Variants in ADAMTS19 observed in about 807,000 individuals in gnomAD.
ADAMTS19 encodes ADAM metallopeptidase with thrombospondin type 1 motif 19.
In ADAMTS19, 93 loss-of-function variants were observed where a neutral mutation model predicts 153.3. The observed-to-expected ratio is 0.61, with a 90% confidence interval of 0.51 to 0.72. The LOEUF (loss-of-function observed/expected upper bound fraction) is 0.72. ADAMTS19 is among the 30% of genes least tolerant of loss of function. The pLI is 0.00. For synonymous variants in ADAMTS19, 600 were observed against 556.6 expected (o/e 1.08, Z -1.10); for missense variants, 1,482 against 1,552.1 (o/e 0.95, Z 0.76).
At chr5:129,678,916 T>C (rs1241664106) in intron 16 of ADAMTS19, among the ~76,000 whole-genome samples, 1 of 152,198 alleles carries the variant, frequency 6.6e-6, no homozygotes, top group Non-Finnish European at 1.5e-5. Flanking sequence ...TAGCCTTCAA[T>C]GAATCCTCAT....
intron 6 of ADAMTS19, among the ~76,000 whole-genome samples, chr5:129,546,362 T>G (rs1426821085): frequency 6.7e-6 from 1 of 150,344 alleles, no homozygotes; most frequent in African/African-American, 2.5e-5. Flanking sequence ...AATGTGCACA[T>G]GTACCCTAAA....
chr5:129,730,967 TG>T, intron 21 of ADAMTS19, among the ~76,000 whole-genome samples: 1 of 146,212 alleles, frequency 6.8e-6, no homozygotes, highest in Non-Finnish European at 1.5e-5. Context: ...TGTTTTGTTT[TG>T]TTTTGTTTGA....
chr5:129,611,542 G>C lies in ADAMTS19; in HGVS notation c.1479-9076G>C, dbSNP rs561981456. Among the ~76,000 whole-genome samples, 4 of 152,264 alleles carry C rather than the reference G, an allele frequency of 2.6e-5. No homozygotes were observed. The South Asian group carries it at 6.2e-4, about 24-fold the overall frequency. On this transcript the variant is annotated intron_variant, in intron 8 of 22. Transcript: ENST00000274487. ...TTTTCCCAGCACCATTTATTAAATA[G>C]GGAATCCTTTCCTCATTTATTATTT...
intron 21 of ADAMTS19, among the ~76,000 whole-genome samples, chr5:129,722,425 T>A (rs186680766): frequency 0.013 from 1,950 of 152,210 alleles, 34 homozygotes; most frequent in African/African-American, 0.043. Context: ...TCATGTCCTT[T>A]GCCCACTTTT....
At chr5:129,587,254 G>C (rs1457424335) in intron 7 of ADAMTS19, among the ~76,000 whole-genome samples, 4 of 150,604 alleles carry the variant, frequency 2.7e-5, no homozygotes, top group African/African-American at 9.8e-5. Context: ...AAGAATGTCT[G>C]TTTGATTTTT....
chr5:129,640,003 C>T (rs1752722428), intron 10 of ADAMTS19, among the ~76,000 whole-genome samples: 2 of 152,102 alleles, frequency 1.3e-5, no homozygotes, highest in South Asian at 4.1e-4. Context: ...GATTTATAGG[C>T]ATTCTTTACA....
chr5:129,491,912 T>G (rs901595457), intron 2 of ADAMTS19, among the ~76,000 whole-genome samples: 2 of 152,212 alleles, frequency 1.3e-5, no homozygotes, highest in Non-Finnish European at 2.9e-5. Flanking sequence ...TGTGTATGCA[T>G]AAAGATATAA....
intron 10 of ADAMTS19, among the ~76,000 whole-genome samples, chr5:129,626,482 G>T (rs957675502): frequency 6.6e-6 from 1 of 152,024 alleles, no homozygotes; most frequent in Non-Finnish European, 1.5e-5. Flanking sequence ...AGTATCCTAG[G>T]ATGTTGCCTT....
At chr5:129,481,340 G>A (rs887208559) in intron 2 of ADAMTS19, among the ~76,000 whole-genome samples, 8 of 152,052 alleles carry the variant, frequency 5.3e-5, no homozygotes, top group African/African-American at 1.7e-4. Context: ...CTAGAACAGC[G>A]TGGGGGAAAC....
chr5:129,722,543 G>A (rs1757049005), intron 21 of ADAMTS19, among the ~76,000 whole-genome samples: 1 of 152,028 alleles, frequency 6.6e-6, no homozygotes, highest in African/African-American at 2.4e-5. Context: ...CATTCTATAG[G>A]TGGCCTTTTC....
intron 19 of ADAMTS19, among the ~76,000 whole-genome samples, chr5:129,697,633 G>GA (rs1755621118): frequency 6.6e-6 from 1 of 152,176 alleles, no homozygotes; most frequent in African/African-American, 2.4e-5. Context: ...GTAGTAATCA[G>GA]GTACAGTGAC....
At position 129,647,797 on chromosome 5, in the gene ADAMTS19, C is replaced by G. The variant is rs1191258437; in HGVS notation, c.1905C>G (p.Thr635=). The part of the protein sequence containing the change: ...WCKAGECTSR[T]SAPEHLAGEW... ...AGGCTGGAGAATGTACCAGCAGGAC[C>G]TCAGCACCTGAACATCTGGCCGGAG... is the stretch of plus-strand genomic sequence containing the variant. The change falls in exon 12 of 23, where the codon ACC becomes ACG. Residue 635 remains threonine (T), a synonymous_variant. Coordinates refer to ENST00000274487, the MANE Select transcript of ADAMTS19 (RefSeq NM_133638.6). 4.3e-6 allele frequency: 7 copies of G among 1,614,068 alleles called. No individual in the cohort carries two copies. The highest frequency in any genetic ancestry group is 5.9e-6 in the Non-Finnish European group (7 of 1,179,974).
chr5:129,726,745 G>C (rs1757227348), intron 21 of ADAMTS19, among the ~76,000 whole-genome samples: 1 of 151,920 alleles, frequency 6.6e-6, no homozygotes, highest in South Asian at 2.1e-4. Context: ...GTCCTTATGG[G>C]GCATGTCTTT....
chr5:129,476,806 T>C (rs1056715738), intron 2 of ADAMTS19, among the ~76,000 whole-genome samples: 2 of 152,186 alleles, frequency 1.3e-5, no homozygotes, highest in African/African-American at 4.8e-5. Flanking sequence ...ATTTAGTTAA[T>C]TCCAATGAAA....
chr5:129,491,718 C>T (rs560615015), intron 2 of ADAMTS19, among the ~76,000 whole-genome samples: 1 of 152,290 alleles, frequency 6.6e-6, no homozygotes, highest in Non-Finnish European at 1.5e-5. Flanking sequence ...CACATTTTGG[C>T]ATTCCTTAAG....
intron 7 of ADAMTS19, among the ~76,000 whole-genome samples, chr5:129,571,057 C>A (rs978488079): frequency 1.3e-5 from 2 of 151,624 alleles, no homozygotes; most frequent in African/African-American, 4.8e-5. Flanking sequence ...AAAAAATAAT[C>A]CCAGATATGC....
chr5:129,644,706 A>AC (rs1336470188), intron 11 of ADAMTS19, among the ~76,000 whole-genome samples: 1 of 152,234 alleles, frequency 6.6e-6, no homozygotes, highest in Non-Finnish European at 1.5e-5. Flanking sequence ...TAGTGGGCAA[A>AC]TGATTTATTC....
rs889127231 is a variant in ADAMTS19, at chr5:129,694,624, T to A, written c.2819-96T>A. 41 of 924,630 alleles carry A rather than the reference T, an allele frequency of 4.4e-5. 1 individual carries two copies. The South Asian group carries it at 1.9e-3, about 42-fold the overall frequency. 57.3% of individuals were successfully genotyped at this position (924,630 alleles called of 1,614,324 possible). ...AAATTTAAATTATAAAAAAGTTTTT[T>A]AAATAAAAAATAAGCATAATAAGCT... On this transcript the variant is annotated intron_variant, in intron 18 of 22. Coordinates refer to ENST00000274487, the MANE Select transcript of ADAMTS19 (RefSeq NM_133638.6).
At chr5:129,583,204 A>G (rs1233496752) in intron 7 of ADAMTS19, among the ~76,000 whole-genome samples, 1 of 152,178 alleles carries the variant, frequency 6.6e-6, no homozygotes, top group Non-Finnish European at 1.5e-5. Context: ...TCTGGGTTGA[A>G]AATTCTTTTC....
Sources: gnomAD v4.1 joint callset for allele counts (sites outside exome capture counted in the v4.1 genomes callset) on GRCh38, gnomAD v4.1.1 for gene constraint, MANE v1.5 for transcripts, NCBI Gene and HGNC (gene_info 2026-07-23, HGNC 2026-07-21) for gene names.